Variants in TECR observed in about 807,000 individuals in gnomAD.
TECR encodes very-long-chain enoyl-CoA reductase.
A neutral mutation model predicts 50.6 loss-of-function variants in TECR; 19 were observed. The ratio of observed to expected loss-of-function variants is 0.38; its 90% CI spans 0.26 to 0.55. The LOEUF (loss-of-function observed/expected upper bound fraction) is 0.55. Among genes scored for constraint, TECR ranks in the 20% least tolerant of loss-of-function variants. The pLI is 0.79. For synonymous variants in TECR, 168 were observed against 163.5 expected (o/e 1.03, Z -0.21); for missense variants, 313 against 408.3 (o/e 0.77, Z 2.01).
Position 14,563,096 on chromosome 19 carries a change from C to T in TECR, c.67-110C>T. On this transcript the variant is annotated intron_variant, in intron 2 of 12. Coordinates refer to ENST00000215567, the MANE Select transcript of TECR (RefSeq NM_138501.6). The surrounding 1 kb of genome is among the most constrained non-coding windows in gnomAD (Gnocchi z 5.3). ...GAGGCCTGGACCCCAGCCCTTCCCC[C>T]TTCCCATAGCTACAGCCCAACCCCC... 1 of 1,413,568 alleles carries T rather than the reference C, an allele frequency of 7.1e-7. No individual in the cohort carries two copies. The allele number at this position is 1,413,568 out of a possible 1,614,324, so 87.6% of individuals were successfully genotyped here. A position where few individuals can be genotyped will look rare whatever the true frequency, so the allele number is the denominator to read the frequency against.
chr19:14,531,511 C>G (rs1387967566), intron 1 of TECR: 1 of 152,172 alleles, frequency 6.6e-6, no homozygotes, highest in Non-Finnish European at 1.5e-5. Context: ...CAACCTCCAC[C>G]TCCCGGGTTC....
At chr19:14,531,559 A>C (rs1309423545) in intron 1 of TECR, 1 of 152,014 alleles carries the variant, frequency 6.6e-6, no homozygotes, top group Non-Finnish European at 1.5e-5. Context: ...AGTAGCCGGA[A>C]TTACAGTCAT....
At chr19:14,530,757 C>T (rs984871422) in intron 1 of TECR, 4 of 152,158 alleles carry the variant, frequency 2.6e-5, no homozygotes, top group African/African-American at 4.8e-5. Context: ...CTCACTTCCC[C>T]TCCAATTTAA....
At position 14,563,551 on chromosome 19, in the gene TECR, G is replaced by C; in HGVS notation, c.119-107G>C. ...CAGGTGGGAGGAGCTGTGGAGTCCT[G>C]GGGTCCTTGCACCCTGGGAACCCTG... On this transcript the variant is annotated intron_variant, in intron 3 of 12. Transcript: ENST00000215567. The surrounding 1 kb of genome is among the most constrained non-coding windows in gnomAD (Gnocchi z 5.3). 6.9e-7 allele frequency: 1 copy of C among 1,457,600 alleles called. No homozygotes were observed. The highest frequency in any genetic ancestry group is 1.2e-5 in the South Asian group (1 of 86,652). The allele number at this position is 1,457,600 out of a possible 1,614,324, so 90.3% of individuals were successfully genotyped here.
intron 11 of TECR, 94 bp downstream of exon 11, chr19:14,565,384 T>A (rs1338776258): frequency 6.7e-7 from 1 of 1,500,152 alleles, no homozygotes; most frequent in Non-Finnish European, 9.2e-7. Flanking sequence ...GGGCAGCTGC[T>A]TTTGCCGCCT....
chr19:14,555,018 C>T (rs1203890064), intron 1 of TECR, among the ~76,000 whole-genome samples: 1 of 151,718 alleles, frequency 6.6e-6, no homozygotes. Context: ...ACCTTGTGAT[C>T]TGCCCACGTC....
At position 14,529,600 on chromosome 19, in the gene TECR, T is replaced by G. The variant is rs1163532021; in HGVS notation, c.-97T>G. The G allele has an allele frequency of 5.0e-6, 8 of 1,588,980 alleles. No homozygotes were observed. Among genetic ancestry groups the G allele is most frequent in the East Asian group, 4.5e-5 (2 of 44,742 alleles). On this transcript the variant is annotated 5_prime_UTR_variant, in exon 1 of 13. Transcript: ENST00000215567. Reference sequence around the variant, plus strand: ...GGGGCGGACGCAGAGCCGCGTTTAGTCTATCGCTGCGGTTGCGAGCGCTGT... The same window carrying G: ...GGGGCGGACGCAGAGCCGCGTTTAGGCTATCGCTGCGGTTGCGAGCGCTGT...
At chr19:14,544,991 C>A in intron 1 of TECR, 5 of 412,906 alleles carry the variant, frequency 1.2e-5, no homozygotes, top group Admixed American at 2.8e-5. Context: ...GTCCTTTTCA[C>A]TCCTTCCCTT....
chr19:14,541,490 C>G (rs1379755940), intron 1 of TECR, among the ~76,000 whole-genome samples: 1 of 152,244 alleles, frequency 6.6e-6, no homozygotes, highest in South Asian at 2.1e-4. Context: ...GTTTTCCAGT[C>G]CATCACTTAT....
rs768164218 is a variant in TECR, at chr19:14,565,308, C to T, written c.753+18C>T. 7 of 1,611,890 alleles carry T rather than the reference C, an allele frequency of 4.3e-6. No individual in the cohort carries two copies. The highest frequency in any genetic ancestry group is 5.9e-6 in the Non-Finnish European group (7 of 1,179,652). On this transcript the variant is annotated intron_variant, in intron 11 of 12. Coordinates refer to ENST00000215567, the MANE Select transcript of TECR (RefSeq NM_138501.6). ...CCTACGAGGTGAGGGGCTGCCTTACCCCTCTCTGCCCTGGGACTTGGGGTC... is the reference window on the plus strand; with the variant it reads ...CCTACGAGGTGAGGGGCTGCCTTACTCCTCTCTGCCCTGGGACTTGGGGTC...
In TECR at chr19:14,563,687, C is replaced by T. The variant is rs11539238; in HGVS notation, c.148C>T (p.Leu50Phe). The change falls in exon 4 of 13, where the codon CTC (leucine) becomes TTC (phenylalanine). Residue 50 changes from leucine (L) to phenylalanine (F), a missense_variant. Physicochemically the swap from Leu to Phe is conservative, Grantham distance 22. Transcript: ENST00000215567. This position sits in a 1 kb window ranked among gnomAD's most constrained non-coding sequence, Gnocchi z 5.3. ...HPQWYPARQS[L>F]RLDPKGKSLK... ...GCAGTGGTACCCCGCCCGCCAGTCC[C>T]TCCGCCTGGACCCCAGTGAGTACAG... The T allele has an allele frequency of 2.1e-5, 34 of 1,613,090 alleles. No homozygotes were observed. In the Admixed American group the frequency reaches 5.2e-4, roughly 25 times the overall value.
intron 1 of TECR, among the ~76,000 whole-genome samples, chr19:14,545,461 G>C (rs140816857): frequency 2.1e-4 from 32 of 149,246 alleles, no homozygotes; most frequent in Non-Finnish European, 3.9e-4. Flanking sequence ...CCCGTATTAT[G>C]TAATAGGTGC....
At position 14,565,295 on chromosome 19, in the gene TECR, G is replaced by A; in HGVS notation, c.753+5G>A. ...TGCCCCAACTACACCTACGAGGTGA[G>A]GGGCTGCCTTACCCCTCTCTGCCCT... On this transcript the variant is annotated splice_donor_5th_base_variant and intron_variant, in intron 11 of 12. Coordinates refer to ENST00000215567, the MANE Select transcript of TECR (RefSeq NM_138501.6). The A allele has an allele frequency of 6.2e-7, 1 of 1,612,740 alleles. No individual in the cohort carries two copies. The highest frequency in any genetic ancestry group is 1.1e-5 in the South Asian group (1 of 91,034).
chr19:14,543,874 T>A (rs183561044), intron 1 of TECR, among the ~76,000 whole-genome samples: 1 of 151,710 alleles, frequency 6.6e-6, no homozygotes, highest in South Asian at 2.1e-4. Context: ...TAGCTGGGAT[T>A]ACAGGCATGC....
intron 1 of TECR, among the ~76,000 whole-genome samples, chr19:14,544,071 G>T (rs1263778506): frequency 6.6e-6 from 1 of 152,048 alleles, no homozygotes; most frequent in Non-Finnish European, 1.5e-5. Context: ...CCCAGCCAGG[G>T]GTGGGGGATC....
At chr19:14,553,233 C>T (rs868384657) in intron 1 of TECR, among the ~76,000 whole-genome samples, 3 of 152,170 alleles carry the variant, frequency 2.0e-5, no homozygotes, top group African/African-American at 4.8e-5. Flanking sequence ...CCAGCTTCTC[C>T]GGGTCCCGGG....
intron 1 of TECR, among the ~76,000 whole-genome samples, chr19:14,533,553 T>C (rs182414009): frequency 4.6e-5 from 7 of 152,246 alleles, no homozygotes; most frequent in Admixed American, 3.9e-4. Context: ...TTACAACTGA[T>C]AGAGGTAATG....
At position 14,555,413 on chromosome 19, in the gene TECR, A is replaced by G. The variant is rs567568716; in HGVS notation, c.16-7112A>G. On this transcript the variant is annotated intron_variant, in intron 1 of 12. Transcript: ENST00000215567. ...ACAGGTGCCCACTGCCATGCCCAGCAAATTTTTTTGTATTTTTATTTATTC... is the reference window on the plus strand; with the variant it reads ...ACAGGTGCCCACTGCCATGCCCAGCGAATTTTTTTGTATTTTTATTTATTC... 2.6e-3 allele frequency among the ~76,000 whole-genome samples: 384 copies of G among 146,520 alleles called. 4 individuals are homozygous for G. Among genetic ancestry groups the G allele is most frequent in the African/African-American group, 9.4e-3 (370 of 39,394 alleles).
At position 14,564,805 on chromosome 19, in the gene TECR, G is replaced by T. The variant is rs2074025038; in HGVS notation, c.509G>T (p.Gly170Val). 4 of 1,613,476 alleles carry T rather than the reference G, an allele frequency of 2.5e-6. No homozygotes were observed. The highest frequency in any genetic ancestry group is 1.3e-5 in the African/African-American group (1 of 74,748). Residue 170 changes from glycine to valine, a missense_variant, in exon 8 of 13, where the codon GGC becomes GTC. Transcript: ENST00000215567. ...NIFKNCTYYW[G>V]FAAWMAYYIN... ...TTTCAGAACTGCACCTACTACTGGG[G>T]CTTCGCCGCGTGGATGGCCTATTAC...
Sources: gnomAD v4.1 joint callset for allele counts (sites outside exome capture counted in the v4.1 genomes callset) on GRCh38, gnomAD v4.1.1 for gene constraint, Gnocchi (gnomAD v3.1) non-coding constraint, MANE v1.5 for transcripts, NCBI Gene and HGNC (gene_info 2026-07-23, HGNC 2026-07-21) for gene names.